TNPO1: variants seen among roughly 807,000 people sequenced by gnomAD.
TNPO1 encodes the protein transportin 1.
In TNPO1, 8 loss-of-function variants were observed where a neutral mutation model predicts 119.5. The observed-to-expected ratio is 0.07, with a 90% CI of 0.04 to 0.12. The LOEUF is 0.12. TNPO1 is among the 10% of genes least tolerant of loss of function. The probability of loss-of-function intolerance (pLI) is 1.00; values close to 1 mark genes in which losing one functional copy is unlikely to be tolerated. For synonymous variants in TNPO1, 362 were observed against 363.0 expected, an observed-to-expected ratio of 1.00 and a Z score of 0.03; for missense variants, 576 against 1,089.8, an observed-to-expected ratio of 0.53 and a Z score of 6.64.
chr5:72,829,757 T>C (rs1175535364), intron 1 of TNPO1, among the ~76,000 whole-genome samples: 2 of 152,232 alleles, frequency 1.3e-5, no homozygotes, highest in Non-Finnish European at 2.9e-5. Context: ...GCTGTTCTTA[T>C]GCAGAGAATT....
intron 9 of TNPO1, among the ~76,000 whole-genome samples, chr5:72,877,578 G>A (rs1250876606): frequency 6.6e-6 from 1 of 152,080 alleles, no homozygotes; most frequent in Non-Finnish European, 1.5e-5. Context: ...ATAATTTACA[G>A]CACAGTATTT....
chr5:72,900,077 C>A lies in TNPO1; in HGVS notation c.2410C>A (p.Pro804Thr). 6.2e-7 allele frequency: 1 copy of A among 1,612,446 alleles called. No homozygotes were observed. The highest frequency in any genetic ancestry group is 8.5e-7 in the Non-Finnish European group (1 of 1,178,628). Reference sequence around the variant, plus strand: ...CCCCATGCTACAGCAGTTTATAAGACCCTGGTGTGTATTATTCAATCTTTT... The same window carrying A: ...CCCCATGCTACAGCAGTTTATAAGAACCTGGTGTGTATTATTCAATCTTTT... Reference protein sequence around the residue: ...VAPMLQQFIRPWCTSLRNIRD... With the variant: ...VAPMLQQFIRTWCTSLRNIRD... Residue 804 changes from proline (P) to threonine (T), a missense_variant, in exon 21 of 25, where the codon CCC (proline) becomes ACC (threonine). By Grantham distance (38) the Pro-to-Thr change is conservative. This residue lies in a region of TNPO1 where 162 missense variants were observed against 294.1 expected (regional missense o/e 0.55). Transcript: ENST00000337273.
chr5:72,882,584 C>A, intron 10 of TNPO1, 57 bp downstream of exon 10: 1 of 1,300,002 alleles, frequency 7.7e-7, no homozygotes, highest in Non-Finnish European at 1.1e-6. Context: ...CTTAGTACAT[C>A]TTTGGATTTG....
intron 2 of TNPO1, among the ~76,000 whole-genome samples, chr5:72,848,919 G>C (rs1301640934): frequency 6.6e-6 from 1 of 151,760 alleles, no homozygotes; most frequent in Non-Finnish European, 1.5e-5. Flanking sequence ...CAGGCCGAGC[G>C]GGAGGCCGGG....
chr5:72,893,565 A>T (rs748691197), intron 17 of TNPO1, 30 bp downstream of exon 17: 2 of 1,614,146 alleles, frequency 1.2e-6, no homozygotes, highest in Non-Finnish European at 1.7e-6. Context: ...AATGAATTGA[A>T]GCCTGTTTCT....
intron 1 of TNPO1, among the ~76,000 whole-genome samples, chr5:72,833,970 C>T (rs1011511021): frequency 1.1e-4 from 16 of 152,288 alleles, no homozygotes; most frequent in Middle Eastern, 3.4e-3. Flanking sequence ...CTTGTCCTAT[C>T]CCTTTGCATA....
In TNPO1 at chr5:72,816,892, G is replaced by A. The variant is rs373529060; in HGVS notation, c.15+140G>A. The A allele has an allele frequency of 9.6e-4, 1,066 of 1,115,040 alleles. 6 individuals are homozygous for A. The African/African-American group carries it at 0.016, about 17-fold the overall frequency. 69.1% of individuals were successfully genotyped at this position (1,115,040 alleles called of 1,614,324 possible). Reference sequence around the variant, plus strand: ...CGCCTGCCCGGCCGTTTGAAGCCGAGAGGCAGCGGCGGCGCGGTTCTAACC... The same window carrying A: ...CGCCTGCCCGGCCGTTTGAAGCCGAAAGGCAGCGGCGGCGCGGTTCTAACC... On this transcript the variant is annotated intron_variant, in intron 1 of 24. Coordinates refer to ENST00000337273, the MANE Select transcript of TNPO1 (RefSeq NM_002270.4).
rs1746821331 is a variant in TNPO1 at position 72,865,608 on chromosome 5, G to A, written c.475G>A (p.Ala159Thr). The A allele has an allele frequency of 6.2e-7, 1 of 1,611,994 alleles. No individual in the cohort carries two copies. Among genetic ancestry groups the A allele is most frequent in the African/African-American group, 1.3e-5 (1 of 74,844 alleles). The change falls in exon 6 of 25, where the codon GCC becomes ACC. Residue 159 changes from alanine to threonine, a missense_variant. This residue lies in a region of TNPO1 where 310 missense variants were observed against 583.0 expected (regional missense o/e 0.53). Coordinates refer to ENST00000337273, the MANE Select transcript of TNPO1 (RefSeq NM_002270.4). ...DYNTCEGAFGALQKICEDSAE... is the reference protein window; with the variant it reads ...DYNTCEGAFGTLQKICEDSAE... Reference sequence around the variant, plus strand: ...GTGTCTCTTACAGGGAGCATTTGGTGCCCTTCAGAAGATTTGTGAAGATTC... The same window carrying A: ...GTGTCTCTTACAGGGAGCATTTGGTACCCTTCAGAAGATTTGTGAAGATTC...
Position 72,877,363 on chromosome 5 carries a change from A to G in TNPO1, c.920+17A>G, listed in dbSNP as rs112720310. On this transcript the variant is annotated intron_variant, in intron 9 of 24. Coordinates refer to ENST00000337273, the MANE Select transcript of TNPO1 (RefSeq NM_002270.4). The stretch of plus-strand genomic sequence containing the variant: ...TCTTCCTAAGTAAGTGTTCCCTCTT[A>G]TAAATGCTGCCTTGTTCTTTAATTT... 2,442 of 1,266,746 alleles carry G rather than the reference A, an allele frequency of 1.9e-3. 29 individuals carry two copies. The African/African-American group carries it at 0.029, about 15-fold the overall frequency. 78.5% of individuals were successfully genotyped at this position (1,266,746 alleles called of 1,614,324 possible).
intron 1 of TNPO1, among the ~76,000 whole-genome samples, chr5:72,829,348 C>T (rs957409288): frequency 6.6e-6 from 1 of 152,124 alleles, no homozygotes; most frequent in African/African-American, 2.4e-5. Context: ...AATTTGTCTC[C>T]AACATTTTCA....
At chr5:72,878,441 A>C (rs1167951911) in intron 9 of TNPO1, 1 of 152,170 alleles carries the variant, frequency 6.6e-6, no homozygotes, top group East Asian at 1.9e-4. Flanking sequence ...AATCTTAGCC[A>C]TCTGGATAAG....
chr5:72,862,829 G>A (rs1226033403), intron 5 of TNPO1, among the ~76,000 whole-genome samples: 3 of 151,954 alleles, frequency 2.0e-5, no homozygotes, highest in Non-Finnish European at 4.4e-5. Flanking sequence ...TGTATTTTTA[G>A]TAGAGACAGA....
intron 1 of TNPO1, among the ~76,000 whole-genome samples, chr5:72,823,297 C>T (rs961772941): frequency 2.0e-4 from 30 of 152,108 alleles, no homozygotes; most frequent in African/African-American, 7.2e-4. Flanking sequence ...CTGTCCCACT[C>T]TCCAGTCTTT....
At chr5:72,866,800 G>A (rs767986281) in intron 6 of TNPO1, among the ~76,000 whole-genome samples, 6 of 151,936 alleles carry the variant, frequency 3.9e-5, no homozygotes, top group African/African-American at 7.3e-5. Flanking sequence ...TCTGGTAATC[G>A]ATACACCATT....
chr5:72,824,690 T>C (rs1318227207), intron 1 of TNPO1, among the ~76,000 whole-genome samples: 1 of 152,226 alleles, frequency 6.6e-6, no homozygotes, highest in Non-Finnish European at 1.5e-5. Flanking sequence ...CAAGTCTTAA[T>C]TGTTTGTTTA....
intron 8 of TNPO1, among the ~76,000 whole-genome samples, chr5:72,876,701 CAG>C (rs1209256158): frequency 1.3e-5 from 2 of 152,264 alleles, no homozygotes; most frequent in East Asian, 1.9e-4. Flanking sequence ...AAAAACTACA[CAG>C]AAACAATACA....
chr5:72,897,048 A>G lies in TNPO1; in HGVS notation c.2243-8A>G, dbSNP rs534653032. On this transcript the variant is annotated splice_polypyrimidine_tract_variant and splice_region_variant and intron_variant, in intron 19 of 24. Transcript: ENST00000337273. The stretch of plus-strand genomic sequence containing the variant: ...TTTTTGTTTTTTTCTTTTTGGGATG[A>G]TCTCTAGGTATAGAGATGCAGCCTT... The G allele has an allele frequency of 1.3e-6, 2 of 1,537,534 alleles. No individual in the cohort carries two copies. The highest frequency in any genetic ancestry group is 1.7e-6 in the Non-Finnish European group (2 of 1,149,082).
chr5:72,852,786 T>A lies in TNPO1; in HGVS notation c.205+1467T>A, dbSNP rs530910795. Among the ~76,000 whole-genome samples, 87 of 152,360 alleles carry A rather than the reference T, an allele frequency of 5.7e-4. 1 individual carries two copies. Among genetic ancestry groups the A allele is most frequent in the African/African-American group, 1.9e-3 (79 of 41,588 alleles). On this transcript the variant is annotated intron_variant, in intron 3 of 24. Transcript: ENST00000337273. ...TGTAGTTAATTTGGGGGATTTTAAT[T>A]TGTGAATGAAGGACACAATAGAAAA...
At chr5:72,877,184 T>G in intron 8 of TNPO1, 44 bp from the exon 9 acceptor site, 2 of 1,067,786 alleles carry the variant, frequency 1.9e-6, no homozygotes. Context: ...ATACTAATGG[T>G]GTGATTTTTA....
Sources: gnomAD v4.1 joint callset for allele counts (sites outside exome capture counted in the v4.1 genomes callset) on GRCh38, gnomAD v4.1.1 for gene constraint, gnomAD v4.1.1 regional missense constraint, MANE v1.5 for transcripts, NCBI Gene and HGNC (gene_info 2026-07-23, HGNC 2026-07-21) for gene names.